Variants in STAG1 observed in about 807,000 individuals in gnomAD.
STAG1 encodes the protein STAG1 cohesin complex component.
A neutral mutation model predicts 170.9 loss-of-function variants in STAG1; 26 were observed. The ratio of observed to expected loss-of-function variants is 0.15; its 90% CI spans 0.11 to 0.21. STAG1 has a LOEUF of 0.21. Among genes scored for constraint, STAG1 ranks in the 10% least tolerant of loss-of-function variants. STAG1 has a pLI of 1.00. For synonymous variants in STAG1, 514 were observed against 497.7 expected (o/e 1.03, Z -0.44); for missense variants, 964 against 1,509.5 (o/e 0.64, Z 5.99).
rs150703153 is a variant in STAG1, at chr3:136,654,885, C to G, written c.-83-23904G>C. On this transcript the variant is annotated intron_variant, in intron 1 of 33. Coordinates refer to ENST00000383202, the MANE Select transcript of STAG1 (RefSeq NM_005862.3). ...ATGATCTACAAGAAAGTTGCCAAGA[C>G]TATTAATGGAGAAAGGACAGTCGTT... 8.2e-4 allele frequency among the ~76,000 whole-genome samples: 125 copies of G among 152,244 alleles called. No individual in the cohort carries two copies. The East Asian group carries it at 0.02, about 25-fold the overall frequency.
At chr3:136,695,867 C>A (rs374890331) in intron 1 of STAG1, among the ~76,000 whole-genome samples, 1 of 69,482 alleles carries the variant, frequency 1.4e-5, no homozygotes, top group African/African-American at 5.6e-5. Flanking sequence ...AGTTCTGGGG[C>A]GGGGGGATGG....
intron 6 of STAG1, among the ~76,000 whole-genome samples, chr3:136,531,790 C>T (rs1412102355): frequency 3.3e-5 from 5 of 149,942 alleles, no homozygotes; most frequent in African/African-American, 4.9e-5. Flanking sequence ...GGGATAGCAT[C>T]GGGAGATATA....
chr3:136,657,191 T>A, intron 1 of STAG1, among the ~76,000 whole-genome samples: 1 of 34,478 alleles, frequency 2.9e-5, no homozygotes, highest in African/African-American at 4.5e-4. Flanking sequence ...CTTTCTTTCT[T>A]TTTTTTTTTT....
chr3:136,685,009 A>T (rs1942465415), intron 1 of STAG1, among the ~76,000 whole-genome samples: 1 of 152,032 alleles, frequency 6.6e-6, no homozygotes, highest in Admixed American at 6.6e-5. Flanking sequence ...AAAAAGTTGG[A>T]CTTCGTTAAA....
chr3:136,674,126 G>A (rs1235643977), intron 1 of STAG1, among the ~76,000 whole-genome samples: 3 of 114,780 alleles, frequency 2.6e-5, no homozygotes, highest in Non-Finnish European at 5.4e-5. Flanking sequence ...AGGGAGGGAG[G>A]GAGGGAGGGA....
intron 7 of STAG1, chr3:136,518,371 G>T (rs1356982645): frequency 2.9e-6 from 2 of 700,462 alleles, no homozygotes; most frequent in Non-Finnish European, 5.2e-6. Flanking sequence ...TTGAAGCAGA[G>T]GATTAAATGT....
intron 1 of STAG1, among the ~76,000 whole-genome samples, chr3:136,651,357 C>T (rs538838116): frequency 6.9e-6 from 1 of 144,098 alleles, no homozygotes; most frequent in East Asian, 2.0e-4. Flanking sequence ...AAGAGCAAGA[C>T]CCTATCTCAC....
intron 3 of STAG1, among the ~76,000 whole-genome samples, chr3:136,615,372 G>C (rs1040554749): frequency 1.4e-5 from 2 of 139,230 alleles, no homozygotes; most frequent in African/African-American, 5.3e-5. Flanking sequence ...CATTGCCTGT[G>C]AGCTGAGATC....
chr3:136,637,015 AAAG>A (rs1940589762), intron 1 of STAG1, among the ~76,000 whole-genome samples: 1 of 152,202 alleles, frequency 6.6e-6, no homozygotes, highest in South Asian at 2.1e-4. Flanking sequence ...TACCCAAAGA[AAAG>A]AAATCCACAC....
intron 1 of STAG1, among the ~76,000 whole-genome samples, chr3:136,708,967 C>CTT (rs61595071): frequency 0.13 from 11,162 of 85,726 alleles, 1,816 homozygotes; most frequent in African/African-American, 0.16. Context: ...CTGCAGCTGG[C>CTT]TTTTTTTTTT....
intron 6 of STAG1, among the ~76,000 whole-genome samples, chr3:136,528,504 C>CT (rs996379592): frequency 1.4e-5 from 2 of 143,890 alleles, no homozygotes; most frequent in Non-Finnish European, 3.0e-5. Context: ...ACCCCCCCCC[C>CT]CAAAAAATCA....
At chr3:136,568,946 T>G in intron 4 of STAG1, 85 bp from the exon 5 acceptor site, 1 of 943,986 alleles carries the variant, frequency 1.1e-6, no homozygotes, top group Non-Finnish European at 1.6e-6. Flanking sequence ...TGTGTGTTTG[T>G]GTGTGTTTCT....
At chr3:136,487,978 T>C (rs911255533) in intron 9 of STAG1, among the ~76,000 whole-genome samples, 3 of 152,208 alleles carry the variant, frequency 2.0e-5, no homozygotes, top group South Asian at 2.1e-4. Context: ...AAGTAAGCCA[T>C]TGTGGAAGCA....
chr3:136,502,919 A>G lies in STAG1; in HGVS notation c.677-140T>C, dbSNP rs190782885. 7.0e-3 allele frequency: 4,466 copies of G among 642,418 alleles called. 21 individuals carry two copies. Among genetic ancestry groups the G allele is most frequent in the Non-Finnish European group, 8.6e-3 (3,738 of 432,270 alleles). The allele number at this position is 642,418 out of a possible 1,614,324, so 39.8% of individuals were successfully genotyped here. On this transcript the variant is annotated intron_variant, in intron 7 of 33. Coordinates refer to ENST00000383202, the MANE Select transcript of STAG1 (RefSeq NM_005862.3). ...ACCCAGGCATAATTTAAGTTTAAAT[A>G]AAAGATAACTAATTTATAGAAATAA...
intron 1 of STAG1, among the ~76,000 whole-genome samples, chr3:136,723,995 C>A (rs1016526609): frequency 3.3e-5 from 5 of 150,628 alleles, no homozygotes; most frequent in Non-Finnish European, 7.4e-5. Flanking sequence ...GTCAGCCCCC[C>A]GCACAGCCAG....
At chr3:136,415,587 C>T (rs143106682) in intron 21 of STAG1, among the ~76,000 whole-genome samples, 10 of 152,254 alleles carry the variant, frequency 6.6e-5, no homozygotes, top group South Asian at 2.1e-4. Flanking sequence ...CCTGAAATCC[C>T]AACACTTTGG....
intron 6 of STAG1, among the ~76,000 whole-genome samples, chr3:136,535,657 T>C (rs544545498): frequency 6.6e-6 from 1 of 152,180 alleles, no homozygotes; most frequent in South Asian, 2.1e-4. Flanking sequence ...AGTGAGACTC[T>C]GTCTCAAAAC....
chr3:136,737,287 A>G, intron 1 of STAG1: 1 of 475,658 alleles, frequency 2.1e-6, no homozygotes, highest in Non-Finnish European at 4.0e-6. Context: ...TATTCTTAGT[A>G]GAGATGGGGT....
chr3:136,391,769 G>GA (rs1371618452), intron 22 of STAG1, among the ~76,000 whole-genome samples: 2 of 152,150 alleles, frequency 1.3e-5, no homozygotes, highest in South Asian at 2.1e-4. Flanking sequence ...CTGCTACAAA[G>GA]AAAAAATGAA....
Sources: gnomAD v4.1 joint callset for allele counts (sites outside exome capture counted in the v4.1 genomes callset) on GRCh38, gnomAD v4.1.1 for gene constraint, MANE v1.5 for transcripts, NCBI Gene and HGNC (gene_info 2026-07-23, HGNC 2026-07-21) for gene names.